The following CDC42 variants were observed in gnomAD, a reference collection of about 807,000 sequenced individuals.
CDC42 encodes the protein cell division control protein 42 homolog.
Under a neutral mutation model 20.8 loss-of-function variants are expected in CDC42, and 1 was observed. The observed-to-expected ratio is 0.05, with a 90% CI of 0.02 to 0.23. The LOEUF (loss-of-function observed/expected upper bound fraction) is 0.23. Ranked by LOEUF, CDC42 falls within the 10% of genes least tolerant of loss-of-function variation. The pLI is 1.00. For missense variants in CDC42, 49 were observed against 227.9 expected (o/e 0.21, Z 5.05); for synonymous variants, 72 against 84.8 (o/e 0.85, Z 0.83).
At chr1:22,080,278 G>A (rs1275174086) in intron 2 of CDC42, among the ~76,000 whole-genome samples, 1 of 152,204 alleles carries the variant, frequency 6.6e-6, no homozygotes, top group Non-Finnish European at 1.5e-5. Context: ...TTTTGGATAT[G>A]AACAATCTAG....
chr1:22,073,365 C>T (rs952744045), intron 1 of CDC42, among the ~76,000 whole-genome samples: 6 of 151,676 alleles, frequency 4.0e-5, no homozygotes, highest in African/African-American at 1.5e-4. Context: ...GGCGAAACCC[C>T]GTCTCTACTA....
intron 1 of CDC42, chr1:22,059,636 C>T (rs1215000944): frequency 6.6e-6 from 1 of 152,082 alleles, no homozygotes; most frequent in African/African-American, 2.4e-5. Flanking sequence ...CCTTGCCTCC[C>T]AGGTTCAAGC....
intron 1 of CDC42, chr1:22,059,128 ATTTT>A: frequency 7.0e-6 from 1 of 142,244 alleles, no homozygotes; most frequent in Non-Finnish European, 1.5e-5. Flanking sequence ...CCGGGCCTTA[ATTTT>A]TTTTTTTTTT....
At position 22,096,255 on chromosome 1, in the gene CDC42, G is replaced by A. The variant is rs1342769450; in HGVS notation, c.*4738G>A. Reference sequence around the variant, plus strand: ...ATTATAGGCATGAGTCACTGCGCCCGGCCTATTCATTCATTCTTACAGTGA... The same window carrying A: ...ATTATAGGCATGAGTCACTGCGCCCAGCCTATTCATTCATTCTTACAGTGA... On this transcript the variant is annotated 3_prime_UTR_variant, in exon 6 of 6. Coordinates refer to ENST00000656825, the MANE Select transcript of CDC42 (RefSeq NM_001791.4). Among the ~76,000 whole-genome samples the A allele has an allele frequency of 1.3e-5, 2 of 151,842 alleles. No individual in the cohort carries two copies. Among genetic ancestry groups the A allele is most frequent in the Non-Finnish European group, 1.5e-5 (1 of 67,996 alleles).
intron 2 of CDC42, 183 bp downstream of exon 2, chr1:22,078,766 T>A: frequency 6.7e-7 from 1 of 1,485,338 alleles, no homozygotes; most frequent in Non-Finnish European, 9.0e-7. Context: ...CAGTGGAAAG[T>A]CAGAAGGGGT....
intron 1 of CDC42, among the ~76,000 whole-genome samples, chr1:22,067,882 T>C (rs1438845277): frequency 2.0e-5 from 3 of 152,124 alleles, no homozygotes; most frequent in African/African-American, 7.2e-5. Flanking sequence ...TTTCAATACC[T>C]AGACTAGTTA....
intron 2 of CDC42, chr1:22,078,984 G>T (rs542776707): frequency 8.0e-5 from 42 of 526,304 alleles, no homozygotes; most frequent in Non-Finnish European, 1.1e-4. Context: ...AGAGAAAGTA[G>T]TATGTGTCTC....
intron 1 of CDC42, among the ~76,000 whole-genome samples, chr1:22,056,886 C>G (rs1460429546): frequency 6.6e-6 from 1 of 152,236 alleles, no homozygotes; most frequent in Non-Finnish European, 1.5e-5. Context: ...GCTCTATCAC[C>G]TTAAGACAAA....
At position 22,078,462 on chromosome 1, in the gene CDC42, A is replaced by C; in HGVS notation, c.-17A>C. On this transcript the variant is annotated 5_prime_UTR_variant, in exon 2 of 6. Coordinates refer to ENST00000656825, the MANE Select transcript of CDC42 (RefSeq NM_001791.4). ...CAGATTTGAAATATTTAAAGTGGAT[A>C]CAAAACTATTTCAGCAATGCAGACA... 6.4e-7 allele frequency: 1 copy of C among 1,569,768 alleles called. No individual in the cohort carries two copies. The highest frequency in any genetic ancestry group is 8.7e-7 in the Non-Finnish European group (1 of 1,147,074).
intron 1 of CDC42, among the ~76,000 whole-genome samples, chr1:22,053,622 T>A (rs1006513919): frequency 6.6e-6 from 1 of 152,132 alleles, no homozygotes; most frequent in African/African-American, 2.4e-5. Context: ...AAGATAAATG[T>A]AGTGTGGAAG....
At chr1:22,058,237 A>G (rs1354924450) in intron 1 of CDC42, among the ~76,000 whole-genome samples, 1 of 152,074 alleles carries the variant, frequency 6.6e-6, no homozygotes, top group Non-Finnish European at 1.5e-5. Context: ...GGCTTGAAGC[A>G]CCCTCTTCAG....
chr1:22,076,072 G>A (rs746894427), intron 1 of CDC42, among the ~76,000 whole-genome samples: 51 of 152,166 alleles, frequency 3.4e-4, no homozygotes, highest in Middle Eastern at 3.4e-3. Context: ...GGTAACTCAC[G>A]GATATATACT....
chr1:22,092,844 A>T lies in CDC42; in HGVS notation c.*1327A>T, dbSNP rs1287099062. On this transcript the variant is annotated 3_prime_UTR_variant, in exon 6 of 6. Coordinates refer to ENST00000656825, the MANE Select transcript of CDC42 (RefSeq NM_001791.4). ...AATCTTTCCCACCTTCCCAAACCTAATTCTTGTAGATGCATTAGTGTTGAA... is the reference window on the plus strand; with the variant it reads ...AATCTTTCCCACCTTCCCAAACCTATTTCTTGTAGATGCATTAGTGTTGAA... 1 of 152,588 alleles carries T rather than the reference A, an allele frequency of 6.6e-6. No homozygotes were observed. The highest frequency in any genetic ancestry group is 1.5e-5 in the Non-Finnish European group (1 of 68,028). 9.5% of individuals were successfully genotyped at this position (152,588 alleles called of 1,614,324 possible).
At chr1:22,057,681 G>A (rs1645317895) in intron 1 of CDC42, among the ~76,000 whole-genome samples, 1 of 151,390 alleles carries the variant, frequency 6.6e-6, no homozygotes, top group Non-Finnish European at 1.5e-5. Flanking sequence ...ACTATGTCTA[G>A]CCCAAAAACA....
At chr1:22,070,841 A>G (rs1645482159) in intron 1 of CDC42, among the ~76,000 whole-genome samples, 2 of 151,948 alleles carry the variant, frequency 1.3e-5, no homozygotes, top group Admixed American at 1.3e-4. Flanking sequence ...GTTCCAGCCA[A>G]TAAAAACCGG....
chr1:22,087,169 C>G (rs10917146), intron 5 of CDC42, among the ~76,000 whole-genome samples: 1,679 of 151,804 alleles, frequency 0.011, 30 homozygotes, highest in African/African-American at 0.038. Context: ...TTGCAAGAGA[C>G]GATGTGAATG....
chr1:22,087,228 C>G (rs1645670248), intron 5 of CDC42, among the ~76,000 whole-genome samples: 1 of 151,128 alleles, frequency 6.6e-6, no homozygotes, highest in African/African-American at 2.4e-5. Flanking sequence ...TATGTCTGAT[C>G]TTTTCTTGCC....
chr1:22,069,849 A>C (rs138873737), intron 1 of CDC42, among the ~76,000 whole-genome samples: 1 of 151,980 alleles, frequency 6.6e-6, no homozygotes, highest in Non-Finnish European at 1.5e-5. Flanking sequence ...GCTGGAGTGC[A>C]GTGGCATAAT....
intron 1 of CDC42, among the ~76,000 whole-genome samples, chr1:22,063,272 GACT>G (rs1645386292): frequency 6.6e-6 from 1 of 151,818 alleles, no homozygotes; most frequent in African/African-American, 2.4e-5. Context: ...AGCAATCTGA[GACT>G]ACTACAGTTG....
Sources: gnomAD v4.1 joint callset for allele counts (sites outside exome capture counted in the v4.1 genomes callset) on GRCh38, gnomAD v4.1.1 for gene constraint, MANE v1.5 for transcripts, NCBI Gene and HGNC (gene_info 2026-07-23, HGNC 2026-07-21) for gene names.